Variants in ANKRD28 observed in about 807,000 individuals in gnomAD.
ANKRD28 encodes serine/threonine-protein phosphatase 6 regulatory ankyrin repeat subunit A.
A neutral mutation model predicts 126.5 loss-of-function variants in ANKRD28; 44 were observed. The observed-to-expected ratio is 0.35, with a 90% CI of 0.27 to 0.45. The LOEUF (loss-of-function observed/expected upper bound fraction) is 0.45. ANKRD28 is among the 20% of genes least tolerant of loss of function. ANKRD28 has a pLI of 1.00. For missense variants in ANKRD28, 1,110 were observed against 1,316.6 expected, an observed-to-expected ratio of 0.84 and a Z score of 2.43; for synonymous variants, 442 against 468.5, an observed-to-expected ratio of 0.94 and a Z score of 0.73.
At chr3:15,698,269 C>T (rs1318365092) in intron 14 of ANKRD28, among the ~76,000 whole-genome samples, 1 of 152,026 alleles carries the variant, frequency 6.6e-6, no homozygotes, top group African/African-American at 2.4e-5. Flanking sequence ...TATGACAAAC[C>T]CACAGCCAAT....
chr3:15,781,993 C>A lies in ANKRD28; in HGVS notation c.201+13230G>T, dbSNP rs1282450449. Among the ~76,000 whole-genome samples, 7 of 152,040 alleles carry A rather than the reference C, an allele frequency of 4.6e-5. No homozygotes were observed. In the South Asian group the frequency reaches 1.4e-3, roughly 31 times the overall value. On this transcript the variant is annotated intron_variant, in intron 2 of 27. Transcript: ENST00000683139. Reference sequence around the variant, plus strand: ...GAAAGAAACAGCAGTGTTTTTCAACCTTTTCTTCCTTACTACTCTTTTCTG... The same window carrying A: ...GAAAGAAACAGCAGTGTTTTTCAACATTTTCTTCCTTACTACTCTTTTCTG...
intron 2 of ANKRD28, among the ~76,000 whole-genome samples, chr3:15,768,390 C>T (rs3933691): frequency 0.051 from 7,733 of 152,142 alleles, 649 homozygotes; most frequent in African/African-American, 0.17. Flanking sequence ...ATTATACAGA[C>T]GTATCTTAAC....
chr3:15,765,863 AAC>A (rs1265407438), intron 3 of ANKRD28, among the ~76,000 whole-genome samples: 36 of 141,418 alleles, frequency 2.5e-4, no homozygotes, highest in African/African-American at 6.6e-4. Context: ...AAAAAAAAAA[AAC>A]CAACCAAAAA....
intron 1 of ANKRD28, among the ~76,000 whole-genome samples, chr3:15,819,112 T>C (rs1228227492): frequency 6.6e-6 from 1 of 152,042 alleles, no homozygotes; most frequent in Non-Finnish European, 1.5e-5. Flanking sequence ...ACCCTGTCTC[T>C]ACAAAAAAAT....
At chr3:15,670,709 A>G (rs562191615) in intron 27 of ANKRD28, among the ~76,000 whole-genome samples, 153 bp from the exon 28 acceptor site, 1 of 152,372 alleles carries the variant, frequency 6.6e-6, no homozygotes, top group South Asian at 2.1e-4. Context: ...GCAAGTTTCT[A>G]ATAAGTAGAA....
intron 18 of ANKRD28, among the ~76,000 whole-genome samples, chr3:15,688,820 A>T (rs1235049529): frequency 6.6e-6 from 1 of 152,258 alleles, no homozygotes; most frequent in Non-Finnish European, 1.5e-5. Flanking sequence ...GCTACATCAT[A>T]ATATCACAAT....
At chr3:15,773,463 A>G (rs1412457710) in intron 2 of ANKRD28, among the ~76,000 whole-genome samples, 2 of 152,138 alleles carry the variant, frequency 1.3e-5, no homozygotes, top group African/African-American at 4.8e-5. Flanking sequence ...TGCCTCTACT[A>G]AAAATACAAA....
chr3:15,713,939 G>A (rs953918290), intron 9 of ANKRD28, among the ~76,000 whole-genome samples: 2 of 152,172 alleles, frequency 1.3e-5, no homozygotes, highest in African/African-American at 4.8e-5. Context: ...CGTTTCTTTA[G>A]AGCAAGACTT....
intron 4 of ANKRD28, among the ~76,000 whole-genome samples, chr3:15,737,456 A>G (rs932891059): frequency 2.0e-5 from 3 of 152,172 alleles, no homozygotes; most frequent in African/African-American, 7.2e-5. Context: ...AAGATGCATC[A>G]AGATCAAACA....
At chr3:15,810,458 T>C (rs1342115886) in intron 1 of ANKRD28, among the ~76,000 whole-genome samples, 2 of 152,086 alleles carry the variant, frequency 1.3e-5, no homozygotes, top group African/African-American at 4.8e-5. Context: ...TGCTGAACAA[T>C]AAAATGATTT....
In ANKRD28 at chr3:15,845,491, A is replaced by C. The variant is rs1301607704; in HGVS notation, c.27+13886T>G. On this transcript the variant is annotated intron_variant, in intron 1 of 27. Coordinates refer to the ANKRD28 transcript ENST00000399451. The surrounding 1 kb of genome is among the most constrained non-coding windows in gnomAD (Gnocchi z 4.9). ...CTATTTCAATCATTCAGGCACTTAC[A>C]GACATGCTAGTTTCTAACTACCTGC... Among the ~76,000 whole-genome samples the C allele has an allele frequency of 6.6e-6, 1 of 152,178 alleles. No individual in the cohort carries two copies. Among genetic ancestry groups the C allele is most frequent in the East Asian group, 1.9e-4 (1 of 5,190 alleles).
At chr3:15,829,469 G>A (rs77664793) in intron 1 of ANKRD28, among the ~76,000 whole-genome samples, 6 of 152,236 alleles carry the variant, frequency 3.9e-5, no homozygotes, top group Non-Finnish European at 7.4e-5. Context: ...TGTGAATTAT[G>A]AAGCCATATG....
intron 17 of ANKRD28, 136 bp from the exon 18 acceptor site, chr3:15,690,356 A>G: frequency 1.4e-6 from 1 of 717,222 alleles, no homozygotes; most frequent in South Asian, 2.2e-5. Context: ...CTACATCGAG[A>G]ATTCAGGAAG....
At chr3:15,859,423 ACTC>A in exon 1 of ANKRD28, 1 of 1,517,862 alleles carries the variant, frequency 6.6e-7, no homozygotes, top group Non-Finnish European at 8.8e-7. Context: ...CTCCGCGCCC[ACTC>A]CAGCCTCCTC....
chr3:15,747,682 G>A (rs1048044780), intron 4 of ANKRD28, among the ~76,000 whole-genome samples: 7 of 152,186 alleles, frequency 4.6e-5, no homozygotes, highest in African/African-American at 1.7e-4. Context: ...TTGTTTGGTA[G>A]ACTGTTCTGT....
chr3:15,747,959 T>C (rs1433732134), intron 4 of ANKRD28, among the ~76,000 whole-genome samples: 1 of 152,204 alleles, frequency 6.6e-6, no homozygotes, highest in Non-Finnish European at 1.5e-5. Flanking sequence ...TCTTTGTTTT[T>C]TCCTAACTGC....
intron 27 of ANKRD28, among the ~76,000 whole-genome samples, chr3:15,673,583 G>A (rs1474234922): frequency 6.6e-6 from 1 of 152,120 alleles, no homozygotes; most frequent in Non-Finnish European, 1.5e-5. Context: ...AAAGAGTGGA[G>A]CAGGTTAACA....
chr3:15,684,898 A>T, intron 21 of ANKRD28: 1 of 254,148 alleles, frequency 3.9e-6, no homozygotes, highest in Non-Finnish European at 7.7e-6. Flanking sequence ...CTGAGGTGGG[A>T]GGATCACTTG....
chr3:15,793,335 G>C (rs2060118228), intron 2 of ANKRD28, among the ~76,000 whole-genome samples: 1 of 152,084 alleles, frequency 6.6e-6, no homozygotes, highest in African/African-American at 2.4e-5. Context: ...TACTAAGAAA[G>C]GGTCACGAGA....
Sources: gnomAD v4.1 joint callset for allele counts (sites outside exome capture counted in the v4.1 genomes callset) on GRCh38, gnomAD v4.1.1 for gene constraint, Gnocchi (gnomAD v3.1) non-coding constraint, MANE v1.5 for transcripts, NCBI Gene and HGNC (gene_info 2026-07-23, HGNC 2026-07-21) for gene names.